Variants in SLC9C1 observed in about 807,000 individuals in gnomAD.
SLC9C1 encodes the protein solute carrier family 9 member C1, also known as sodium/hydrogen exchanger 10.
Under a neutral mutation model 140.9 loss-of-function variants are expected in SLC9C1, and 97 were observed. That is an observed-to-expected ratio of 0.69 (90% CI 0.58 to 0.82). The LOEUF (loss-of-function observed/expected upper bound fraction) is 0.82. Ranked by LOEUF, SLC9C1 falls within the 40% of genes least tolerant of loss-of-function variation. The pLI, the probability that SLC9C1 is intolerant of heterozygous loss-of-function variation, is 0.00. For missense variants in SLC9C1, 1,340 were observed against 1,389.3 expected (o/e 0.96, Z 0.56); for synonymous variants, 440 against 442.6 (o/e 0.99, Z 0.07).
At chr3:112,148,280 G>A (rs1251911473) in intron 28 of SLC9C1, among the ~76,000 whole-genome samples, 1 of 152,044 alleles carries the variant, frequency 6.6e-6, no homozygotes. Context: ...ATTTTGGTTA[G>A]GGACCATTGC....
intron 16 of SLC9C1, among the ~76,000 whole-genome samples, chr3:112,204,850 G>C (rs2078001669): frequency 6.6e-6 from 1 of 152,030 alleles, no homozygotes; most frequent in African/African-American, 2.4e-5. Flanking sequence ...TATGTTTGTT[G>C]TGACACATGT....
At chr3:112,276,607 A>G (rs6787323) in intron 5 of SLC9C1, among the ~76,000 whole-genome samples, 29,887 of 151,894 alleles carry the variant, frequency 0.2, 3,330 homozygotes, top group Middle Eastern at 0.26. Context: ...TACTCTTCGT[A>G]AATTAAGTTC....
intron 10 of SLC9C1, among the ~76,000 whole-genome samples, chr3:112,255,921 A>G (rs946933924): frequency 6.6e-6 from 1 of 152,210 alleles, no homozygotes; most frequent in Non-Finnish European, 1.5e-5. Context: ...CCACAAAAAT[A>G]CAAATAACCA....
intron 20 of SLC9C1, among the ~76,000 whole-genome samples, chr3:112,186,304 CCTT>C (rs1359836326): frequency 6.6e-6 from 1 of 151,918 alleles, no homozygotes; most frequent in Non-Finnish European, 1.5e-5. Flanking sequence ...TCTTATGTCA[CCTT>C]CTAGAAGTTT....
chr3:112,151,764 C>T (rs2074987234), intron 28 of SLC9C1, 93 bp downstream of exon 28: 2 of 879,336 alleles, frequency 2.3e-6, no homozygotes, highest in Admixed American at 4.2e-5. Flanking sequence ...ATAATTCACA[C>T]TATCACATAA....
At position 112,201,325 on chromosome 3, in the gene SLC9C1, T is replaced by C. The variant is rs532271862; in HGVS notation, c.2323-563A>G. On this transcript the variant is annotated intron_variant, in intron 18 of 28. Coordinates refer to ENST00000305815, the MANE Select transcript of SLC9C1 (RefSeq NM_183061.3). ...TAAGACAATATTTTAGGGACTCAAG[T>C]CTTTTCATATTTTCTCCTGTGTGTC... 2.0e-5 allele frequency among the ~76,000 whole-genome samples: 3 copies of C among 152,154 alleles called. No individual in the cohort carries two copies. In the South Asian group the frequency reaches 6.2e-4, roughly 32 times the overall value.
At chr3:112,228,117 A>C (rs56042414) in intron 13 of SLC9C1, among the ~76,000 whole-genome samples, 30,442 of 152,072 alleles carry the variant, frequency 0.2, 3,402 homozygotes, top group Middle Eastern at 0.26. Context: ...ACAAAGCTGG[A>C]GACATTATAA....
At chr3:112,188,057 G>A (rs2077573518) in intron 20 of SLC9C1, among the ~76,000 whole-genome samples, 1 of 151,796 alleles carries the variant, frequency 6.6e-6, no homozygotes, top group Non-Finnish European at 1.5e-5. Flanking sequence ...TGTTGCACTT[G>A]CACAGCTATA....
chr3:112,260,415 A>C (rs2079739601), intron 10 of SLC9C1, among the ~76,000 whole-genome samples: 1 of 151,678 alleles, frequency 6.6e-6, no homozygotes, highest in Non-Finnish European at 1.5e-5. Flanking sequence ...CATCTGTGTC[A>C]CCTTTGGGTC....
chr3:112,193,401 G>A (rs2077704484), intron 20 of SLC9C1, among the ~76,000 whole-genome samples: 1 of 152,158 alleles, frequency 6.6e-6, no homozygotes, highest in South Asian at 2.1e-4. Context: ...GCTACATTGG[G>A]GGCATATCTT....
In SLC9C1 at chr3:112,264,086, G is replaced by T. The variant is rs936958491; in HGVS notation, c.1022+114C>A. Reference sequence around the variant, plus strand: ...AGCATTTATTTGCTGATGATCCTTGGAAAGTTTGAGTCAATTTTTCAATCT... The same window carrying T: ...AGCATTTATTTGCTGATGATCCTTGTAAAGTTTGAGTCAATTTTTCAATCT... On this transcript the variant is annotated intron_variant, in intron 9 of 28. Transcript: ENST00000305815. The T allele has an allele frequency of 5.9e-6, 3 of 505,084 alleles. No individual in the cohort carries two copies. The African/African-American group carries it at 6.0e-5, about 10-fold the overall frequency. 31.3% of individuals were successfully genotyped at this position (505,084 alleles called of 1,614,324 possible).
At chr3:112,164,339 C>T (rs1439779474) in intron 26 of SLC9C1, among the ~76,000 whole-genome samples, 6 of 141,608 alleles carry the variant, frequency 4.2e-5, no homozygotes, top group Admixed American at 7.0e-5. Context: ...TTATTTTGCT[C>T]GTTAGTGGAT....
chr3:112,266,916 A>T (rs1198674937), intron 7 of SLC9C1, among the ~76,000 whole-genome samples: 1 of 152,200 alleles, frequency 6.6e-6, no homozygotes, highest in Non-Finnish European at 1.5e-5. Flanking sequence ...TGGTAAAGAA[A>T]GTTCTCCACT....
intron 28 of SLC9C1, among the ~76,000 whole-genome samples, chr3:112,142,714 A>C: frequency 6.6e-6 from 1 of 152,226 alleles, no homozygotes; most frequent in Non-Finnish European, 1.5e-5. Flanking sequence ...TTTGGGCAAT[A>C]ATAAAAAAAA....
chr3:112,268,718 A>G (rs2079990228), intron 7 of SLC9C1, among the ~76,000 whole-genome samples: 1 of 152,236 alleles, frequency 6.6e-6, no homozygotes, highest in Non-Finnish European at 1.5e-5. Flanking sequence ...TAAAATATGT[A>G]TAAATGTTCC....
At chr3:112,144,364 A>C (rs925849817) in intron 28 of SLC9C1, among the ~76,000 whole-genome samples, 4 of 151,628 alleles carry the variant, frequency 2.6e-5, no homozygotes, top group Non-Finnish European at 5.9e-5. Context: ...TTTTTAGTAG[A>C]GACGGGGTTT....
intron 13 of SLC9C1, among the ~76,000 whole-genome samples, chr3:112,227,006 G>A (rs2078700033): frequency 2.6e-5 from 4 of 151,922 alleles, no homozygotes; most frequent in African/African-American, 7.2e-5. Flanking sequence ...CAACAACTGA[G>A]ACCACAGAAA....
chr3:112,217,350 T>TA lies in SLC9C1; in HGVS notation c.1790+91dup, dbSNP rs781695007. The TA allele has an allele frequency of 2.8e-4, 391 of 1,410,180 alleles. 1 individual carries two copies. Among genetic ancestry groups the TA allele is most frequent in the Admixed American group, 5.2e-4 (21 of 40,610 alleles). 87.4% of individuals were successfully genotyped at this position (1,410,180 alleles called of 1,614,324 possible). On this transcript the variant is annotated intron_variant, in intron 15 of 28. Transcript: ENST00000305815. ...ATGTACCCTAGCACTTATAGTATAATAACAAAAAATTCAAGATACCATTTT... is the reference window on the plus strand; with the variant it reads ...ATGTACCCTAGCACTTATAGTATAATAAACAAAAAATTCAAGATACCATTTT...
intron 11 of SLC9C1, among the ~76,000 whole-genome samples, chr3:112,240,379 A>G (rs1468292274): frequency 6.6e-6 from 1 of 152,224 alleles, no homozygotes; most frequent in Non-Finnish European, 1.5e-5. Flanking sequence ...TCATTTGTCA[A>G]CTTAACTGGG....
Sources: gnomAD v4.1 joint callset for allele counts (sites outside exome capture counted in the v4.1 genomes callset) on GRCh38, gnomAD v4.1.1 for gene constraint, MANE v1.5 for transcripts, NCBI Gene and HGNC (gene_info 2026-07-23, HGNC 2026-07-21) for gene names.